Variants in ANO3 observed in about 807,000 individuals in gnomAD.
ANO3 encodes anoctamin 3, also known as anoctamin-3.
A neutral mutation model predicts 144.8 loss-of-function variants in ANO3; 99 were observed. That is an observed-to-expected ratio of 0.68 (90% CI 0.58 to 0.81). ANO3 has a LOEUF of 0.81. Ranked by LOEUF, ANO3 falls within the 30% of genes least tolerant of loss-of-function variation. The pLI, the probability that ANO3 is intolerant of heterozygous loss-of-function variation, is 0.00. For missense variants in ANO3, 905 were observed against 1,202.2 expected (o/e 0.75, Z 3.66); for synonymous variants, 414 against 392.6 (o/e 1.05, Z -0.64).
intron 5 of ANO3, among the ~76,000 whole-genome samples, chr11:26,514,422 A>G (rs1235541257): frequency 2.0e-5 from 3 of 152,150 alleles, no homozygotes; most frequent in Non-Finnish European, 2.9e-5. Flanking sequence ...CCAATCTTTT[A>G]TAACATTCAC....
At chr11:26,658,085 G>A (rs1004522308) in intron 26 of ANO3, among the ~76,000 whole-genome samples, 1 of 152,034 alleles carries the variant, frequency 6.6e-6, no homozygotes, top group African/African-American at 2.4e-5. Flanking sequence ...TTTTCTTCTA[G>A]TGGTTTCATA....
intron 4 of ANO3, among the ~76,000 whole-genome samples, chr11:26,481,308 AAGG>A (rs753688092): frequency 6.6e-6 from 1 of 152,066 alleles, no homozygotes; most frequent in Non-Finnish European, 1.5e-5. Flanking sequence ...TTAGAAATTC[AAGG>A]AGGAGGAGGA....
In ANO3 at chr11:26,656,471, T is replaced by G. The variant is rs1434072682; in HGVS notation, c.2753T>G (p.Ile918Ser). 3 of 1,601,938 alleles carry G rather than the reference T, an allele frequency of 1.9e-6. No homozygotes were observed. The highest frequency in any genetic ancestry group is 1.3e-5 in the African/African-American group (1 of 74,840). Reference protein sequence around the residue: ...HILAARLAFIIVFEHLVFGIK... With the variant: ...HILAARLAFISVFEHLVFGIK... ...CTTGCTGCTAGATTGGCCTTCATTA[T>G]TGTGTTTGAGGTTAGTCACAAGCTG... The change falls in exon 26 of 27, where the codon ATT (isoleucine) becomes AGT (serine). Residue 918 changes from isoleucine to serine, a missense_variant. Transcript: ENST00000256737.
At chr11:26,261,774 G>GTAA (rs2133828075) in intron 1 of ANO3, among the ~76,000 whole-genome samples, 1 of 152,318 alleles carries the variant, frequency 6.6e-6, no homozygotes, top group Non-Finnish European at 1.5e-5. Context: ...AAATTTAAGA[G>GTAA]TAATGGCTTA....
chr11:26,526,017 A>C (rs1450260201), intron 7 of ANO3, among the ~76,000 whole-genome samples: 1 of 152,126 alleles, frequency 6.6e-6, no homozygotes, highest in Non-Finnish European at 1.5e-5. Context: ...CAGTAACAGA[A>C]CAATAAACCT....
intron 1 of ANO3, among the ~76,000 whole-genome samples, chr11:26,315,925 T>A (rs917540313): frequency 6.6e-6 from 1 of 152,202 alleles, no homozygotes; most frequent in Non-Finnish European, 1.5e-5. Flanking sequence ...ATATTGACTC[T>A]ACCTCATAGA....
chr11:26,311,904 G>C (rs961308443), intron 1 of ANO3, among the ~76,000 whole-genome samples: 5 of 152,130 alleles, frequency 3.3e-5, no homozygotes, highest in Admixed American at 3.3e-4. Flanking sequence ...CAATGTGCAG[G>C]TTTGTTAAAT....
chr11:26,643,099 G>A (rs776183431), intron 22 of ANO3, 83 bp from the exon 23 acceptor site: 38 of 1,244,506 alleles, frequency 3.1e-5, no homozygotes, highest in Non-Finnish European at 4.3e-5. Flanking sequence ...GATGTTGAAA[G>A]CATTAAAAGC....
chr11:26,635,754 G>A (rs931956103), intron 20 of ANO3, among the ~76,000 whole-genome samples: 1 of 152,112 alleles, frequency 6.6e-6, no homozygotes, highest in African/African-American at 2.4e-5. Flanking sequence ...TTATATTTCT[G>A]TTCATAGCCT....
At position 26,559,701 on chromosome 11, in the gene ANO3, T is replaced by C. The variant is rs997547119; in HGVS notation, c.1387-18T>C. On this transcript the variant is annotated intron_variant, in intron 13 of 26. Transcript: ENST00000256737. ...AATCAATTTGCATGACTAATATTTC[T>C]GTTTGTTTTCTACTCAGGTGACATA... 10 of 1,594,458 alleles carry C rather than the reference T, an allele frequency of 6.3e-6. No homozygotes were observed. Among genetic ancestry groups the C allele is most frequent in the East Asian group, 2.2e-5 (1 of 44,702 alleles).
chr11:26,456,659 CGG>C (rs879581689), intron 3 of ANO3, among the ~76,000 whole-genome samples: 1,571 of 101,790 alleles, frequency 0.015, 88 homozygotes, highest in Non-Finnish European at 0.023. Context: ...TTGTGGAAGT[CGG>C]TGTGGCGATT....
At chr11:26,394,565 A>ATT (rs1325369513) in intron 1 of ANO3, among the ~76,000 whole-genome samples, 1 of 118,002 alleles carries the variant, frequency 8.5e-6, no homozygotes, top group South Asian at 3.1e-4. Context: ...AATTGATTTC[A>ATT]TTTTCTTTTT....
intron 1 of ANO3, among the ~76,000 whole-genome samples, chr11:26,409,912 A>G (rs978201478): frequency 3.3e-5 from 5 of 152,012 alleles, no homozygotes; most frequent in African/African-American, 4.8e-5. Flanking sequence ...TTAAATTCCT[A>G]TATCTCATTG....
At chr11:26,247,872 G>C (rs1852835044) in intron 1 of ANO3, among the ~76,000 whole-genome samples, 1 of 151,516 alleles carries the variant, frequency 6.6e-6, no homozygotes, top group South Asian at 2.1e-4. Flanking sequence ...TGAGATTACA[G>C]GTGCCTGCCA....
chr11:26,652,227 G>A (rs1463619544), intron 24 of ANO3, among the ~76,000 whole-genome samples: 3 of 152,136 alleles, frequency 2.0e-5, no homozygotes, highest in Non-Finnish European at 2.9e-5. Context: ...CCTGACAAAC[G>A]TATTTTATTT....
chr11:26,274,793 C>A (rs774386267), intron 1 of ANO3, among the ~76,000 whole-genome samples: 1 of 151,912 alleles, frequency 6.6e-6, no homozygotes, highest in Non-Finnish European at 1.5e-5. Context: ...AGTGATATAC[C>A]ATTTTTAATT....
At chr11:26,637,550 C>T (rs1853001842) in intron 20 of ANO3, among the ~76,000 whole-genome samples, 2 of 152,116 alleles carry the variant, frequency 1.3e-5, no homozygotes, top group East Asian at 1.9e-4. Context: ...GATTTGCCCC[C>T]GTAGCTTAAT....
intron 1 of ANO3, among the ~76,000 whole-genome samples, chr11:26,404,931 ATATGTGTGTGTGTGTGTGTGTGTGTGTG>A (rs1254447467): frequency 1.3e-4 from 5 of 39,278 alleles, no homozygotes; most frequent in African/African-American, 3.0e-4. Context: ...GAATTTATAT[ATATGTGTGTGTGTGTGTGTGTGTGTGTG>A]TGTGTGTGTG....
chr11:26,385,589 C>T (rs938874643), intron 1 of ANO3, among the ~76,000 whole-genome samples: 1 of 152,042 alleles, frequency 6.6e-6, no homozygotes, highest in East Asian at 1.9e-4. Flanking sequence ...AATGTCTAAC[C>T]TCTGCTTCCA....
Sources: allele counts gnomAD v4.1 joint callset (sites outside exome capture counted in the v4.1 genomes callset), GRCh38; gene constraint gnomAD v4.1.1; transcripts MANE v1.5; gene names NCBI Gene and HGNC (gene_info 2026-07-23, HGNC 2026-07-21).